Variants in NMU observed in about 807,000 individuals in gnomAD.
NMU encodes neuromedin U, also known as neuromedin-U.
Under a neutral mutation model 35.4 loss-of-function variants are expected in NMU, and 29 were observed. The ratio of observed to expected loss-of-function variants is 0.82; its 90% CI spans 0.61 to 1.12. The LOEUF (loss-of-function observed/expected upper bound fraction) is 1.12. Ranked by LOEUF, NMU falls within the 50% of genes most tolerant of loss-of-function variation. The pLI is 0.00. For synonymous variants in NMU, 78 were observed against 81.3 expected (o/e 0.96, Z 0.22); for missense variants, 199 against 206.2 (o/e 0.97, Z 0.21).
At chr4:55,609,332 T>C (rs183261178) in intron 3 of NMU, among the ~76,000 whole-genome samples, 153 bp from the exon 4 acceptor site, 1 of 152,232 alleles carries the variant, frequency 6.6e-6, no homozygotes, top group Admixed American at 6.5e-5. Context: ...AATCCTTTGA[T>C]TTCTCTCACA....
At chr4:55,596,247 G>T (rs902472292) in intron 9 of NMU, among the ~76,000 whole-genome samples, 2 of 151,768 alleles carry the variant, frequency 1.3e-5, no homozygotes, top group Non-Finnish European at 2.9e-5. Context: ...AAGAAAAAAT[G>T]ATTATTATAT....
chr4:55,598,603 A>G (rs956748975), intron 9 of NMU, among the ~76,000 whole-genome samples: 6 of 152,236 alleles, frequency 3.9e-5, no homozygotes, highest in Non-Finnish European at 5.9e-5. Context: ...ACTGAGGTAG[A>G]AATTCTGGTA....
At chr4:55,610,475 A>G (rs944705336) in intron 3 of NMU, among the ~76,000 whole-genome samples, 12 of 151,810 alleles carry the variant, frequency 7.9e-5, no homozygotes, top group African/African-American at 2.7e-4. Flanking sequence ...AAAAAAAAAA[A>G]AAAGAAAGAC....
chr4:55,628,763 C>G (rs2110211479), intron 2 of NMU, among the ~76,000 whole-genome samples: 1 of 152,276 alleles, frequency 6.6e-6, no homozygotes, highest in Middle Eastern at 3.4e-3. Context: ...GCTGGGATTA[C>G]AGGTGTGAGC....
intron 7 of NMU, among the ~76,000 whole-genome samples, chr4:55,603,945 A>G (rs376392136): frequency 0.032 from 3,328 of 105,386 alleles, 419 homozygotes; most frequent in East Asian, 0.059. Context: ...ATATATATAT[A>G]TGTATATATG....
intron 2 of NMU, among the ~76,000 whole-genome samples, chr4:55,625,795 A>G (rs1488084256): frequency 6.9e-6 from 1 of 144,964 alleles, no homozygotes; most frequent in Non-Finnish European, 1.5e-5. Flanking sequence ...TTCCCACTTA[A>G]CACTGTCCAT....
chr4:55,616,498 T>TG, intron 2 of NMU, 113 bp from the exon 3 acceptor site: 1 of 825,704 alleles, frequency 1.2e-6, no homozygotes, highest in South Asian at 1.5e-5. Context: ...CCATGATAGT[T>TG]TAGGACTCTG....
rs770167116 is a variant in NMU, at chr4:55,636,068, G to T, written c.112+13C>A. The T allele has an allele frequency of 3.7e-5, 56 of 1,531,086 alleles. 1 individual carries two copies. The Admixed American group carries it at 1.0e-3, about 28-fold the overall frequency. The allele number at this position is 1,531,086 out of a possible 1,614,324, so 94.8% of individuals were successfully genotyped here. ...GCATGGCGTGGAAGCGGCCGGGTGC[G>T]GGGCCGTCTTACCTCGGCAGGCGCC... On this transcript the variant is annotated intron_variant, in intron 1 of 9. Transcript: ENST00000264218. The surrounding 1 kb of genome is among the most constrained non-coding windows in gnomAD (Gnocchi z 4.0).
intron 7 of NMU, among the ~76,000 whole-genome samples, chr4:55,602,837 C>A (rs967358207): frequency 4.6e-5 from 7 of 151,968 alleles, no homozygotes; most frequent in African/African-American, 1.7e-4. Flanking sequence ...TGTGAAGATT[C>A]TAGGGAGGAA....
Position 55,619,358 on chromosome 4 carries a change from G to A in NMU, c.172-2973C>T, listed in dbSNP as rs1326634211. Among the ~76,000 whole-genome samples, 22 of 137,812 alleles carry A rather than the reference G, an allele frequency of 1.6e-4. No homozygotes were observed. In the South Asian group the frequency reaches 1.6e-3, roughly 10 times the overall value. The allele number at this position is 137,812 out of a possible 152,430, so 90.4% of individuals were successfully genotyped here. On this transcript the variant is annotated intron_variant, in intron 2 of 9. Coordinates refer to ENST00000264218, the MANE Select transcript of NMU (RefSeq NM_006681.4). ...CGAGGCATTGCCTCACCTGGGAAGC[G>A]CAAGGGGTCAGGGAGTTCCCTTTCC...
At chr4:55,606,731 G>A (rs1046551858) in intron 6 of NMU, among the ~76,000 whole-genome samples, 3 of 148,370 alleles carry the variant, frequency 2.0e-5, no homozygotes, top group African/African-American at 7.5e-5. Context: ...AGGCTGGAGT[G>A]CAGTGGCGTG....
chr4:55,597,319 G>T (rs1302068097), intron 9 of NMU, among the ~76,000 whole-genome samples: 1 of 151,426 alleles, frequency 6.6e-6, no homozygotes, highest in Non-Finnish European at 1.5e-5. Flanking sequence ...TATATTGTGG[G>T]TATAGTTTCT....
intron 7 of NMU, among the ~76,000 whole-genome samples, chr4:55,604,553 G>A (rs999673693): frequency 2.2e-5 from 3 of 137,578 alleles, no homozygotes; most frequent in Non-Finnish European, 4.7e-5. Context: ...TTTTTTTTGA[G>A]ACGGAGTCTT....
rs1436206593 is a variant in NMU at position 55,605,316 on chromosome 4, G to T, written c.394C>A (p.Pro132Thr). 2 of 1,613,668 alleles carry T rather than the reference G, an allele frequency of 1.2e-6. No homozygotes were observed. The highest frequency in any genetic ancestry group is 1.1e-5 in the South Asian group (1 of 91,052). Residue 132 changes from proline to threonine, a missense_variant, in exon 7 of 10, where the codon CCT becomes ACT. Physicochemically the swap from Pro to Thr is conservative, Grantham distance 38. Transcript: ENST00000264218. ...TTCATTCTTCTCTCATGCAGGTGAG[G>T]AACGAGCTGCAGCAACGGATGCACA... ...SVVHPLLQLV[P>T]HLHERRMKRF...
chr4:55,636,556 T>C, upstream of NMU: 1 of 190,490 alleles, frequency 5.2e-6, no homozygotes, highest in Non-Finnish European at 1.1e-5. The surrounding 1 kb of genome is among the most constrained non-coding windows in gnomAD (Gnocchi z 4.0). Context: ...TTGGAAGGAC[T>C]GGACTGGGAA....
chr4:55,618,802 CT>C (rs1191071667), intron 2 of NMU, among the ~76,000 whole-genome samples: 1 of 142,208 alleles, frequency 7.0e-6, no homozygotes, highest in Admixed American at 7.3e-5. Context: ...TCTTCTCTTC[CT>C]TTTCTTCTCT....
chr4:55,597,727 T>A (rs1372697710), intron 9 of NMU, among the ~76,000 whole-genome samples: 1 of 152,202 alleles, frequency 6.6e-6, no homozygotes, highest in African/African-American at 2.4e-5. Context: ...GTCTGTTTAG[T>A]GTTTTTCTTT....
intron 2 of NMU, among the ~76,000 whole-genome samples, chr4:55,618,143 C>G (rs948458245): frequency 2.2e-4 from 34 of 152,240 alleles, no homozygotes; most frequent in African/African-American, 7.5e-4. Flanking sequence ...GTTTAGGTCT[C>G]TACATATGGT....
chr4:55,605,412 G>T, intron 6 of NMU, 63 bp from the exon 7 acceptor site: 1 of 1,172,184 alleles, frequency 8.5e-7, no homozygotes, highest in South Asian at 1.2e-5. Context: ...CCATCAAGAC[G>T]GTTTCCTATT....
Sources: allele counts gnomAD v4.1 joint callset (sites outside exome capture counted in the v4.1 genomes callset), GRCh38; gene constraint gnomAD v4.1.1; non-coding constraint Gnocchi (gnomAD v3.1); transcripts MANE v1.5; gene names NCBI Gene and HGNC (gene_info 2026-07-23, HGNC 2026-07-21).